The following SLC71A2 variants were observed in gnomAD, a reference collection of about 807,000 sequenced individuals.
SLC71A2 encodes the protein hippocampus abundant transcript-like 1.
At chr9:94,417,874 C>T in the SLC71A2 span, among the ~76,000 whole-genome samples, 1 of 75,200 alleles carries the variant, frequency 1.3e-5, no homozygotes, top group Non-Finnish European at 2.6e-5. Context: ...CCCCCCCCCC[C>T]CCGACAGAGT....
At chr9:94,438,754 G>T in the SLC71A2 span, among the ~76,000 whole-genome samples, 1 of 152,134 alleles carries the variant, frequency 6.6e-6, no homozygotes, top group East Asian at 1.9e-4. Context: ...AGTTACTTAG[G>T]TGAAGAAGTA....
the SLC71A2 span, among the ~76,000 whole-genome samples, chr9:94,444,658 T>C: frequency 6.6e-6 from 1 of 152,340 alleles, no homozygotes; most frequent in East Asian, 1.9e-4. Flanking sequence ...GTTTTTACAA[T>C]TTTTGTTTGT....
chr9:94,375,837 TTAG>T, the SLC71A2 span, among the ~76,000 whole-genome samples: 1 of 146,972 alleles, frequency 6.8e-6, no homozygotes, highest in African/African-American at 2.5e-5. Context: ...TAAATCCCTA[TTAG>T]TAGGTTGGGA....
At chr9:94,456,259 A>C in the SLC71A2 span, 1 of 1,613,998 alleles carries the variant, frequency 6.2e-7, no homozygotes, top group East Asian at 2.2e-5. Context: ...GGCAGCAGGG[A>C]CCGTGGCTGC....
the SLC71A2 span, among the ~76,000 whole-genome samples, chr9:94,396,378 G>C: frequency 6.6e-6 from 1 of 152,110 alleles, no homozygotes; most frequent in Non-Finnish European, 1.5e-5. Flanking sequence ...AGCCAGCTGT[G>C]GTGGCACGCA....
the SLC71A2 span, among the ~76,000 whole-genome samples, chr9:94,445,601 TTGAG>T: frequency 2.6e-5 from 4 of 152,166 alleles, no homozygotes; most frequent in Non-Finnish European, 5.9e-5. Context: ...TTGTTACAGA[TTGAG>T]TATTGTTTTC....
chr9:94,453,290 C>G, the SLC71A2 span, among the ~76,000 whole-genome samples: 1 of 151,874 alleles, frequency 6.6e-6, no homozygotes, highest in Non-Finnish European at 1.5e-5. Context: ...GCTGGGACTA[C>G]AAGTGTGCAC....
the SLC71A2 span, among the ~76,000 whole-genome samples, chr9:94,416,918 A>C: frequency 4.6e-5 from 7 of 152,080 alleles, no homozygotes; most frequent in Non-Finnish European, 8.8e-5. Flanking sequence ...CACAGGACTT[A>C]AAAATTGCCT....
chr9:94,439,527 T>C, the SLC71A2 span, among the ~76,000 whole-genome samples: 1 of 144,028 alleles, frequency 6.9e-6, no homozygotes, highest in South Asian at 2.2e-4. Context: ...TTTTGGTTTT[T>C]AATCCTATTA....
chr9:94,459,121 A>T, the SLC71A2 span: 2 of 1,598,362 alleles, frequency 1.3e-6, no homozygotes, highest in Middle Eastern at 1.7e-4. Context: ...TAAAAGACTA[A>T]CTGTATTCTT....
At chr9:94,391,205 A>G in the SLC71A2 span, among the ~76,000 whole-genome samples, 2 of 148,760 alleles carry the variant, frequency 1.3e-5, no homozygotes, top group African/African-American at 5.1e-5. Context: ...ACCAAAAAAA[A>G]AAAAAAAAAA....
chr9:94,449,340 C>T, the SLC71A2 span, among the ~76,000 whole-genome samples: 1 of 152,136 alleles, frequency 6.6e-6, no homozygotes, highest in Non-Finnish European at 1.5e-5. Flanking sequence ...TGATAAATAA[C>T]TTGTATCCAG....
chr9:94,456,236 G>C, the SLC71A2 span: 2 of 1,612,142 alleles, frequency 1.2e-6, no homozygotes, highest in South Asian at 2.2e-5. Flanking sequence ...TCCTGTCATT[G>C]CAGGATGATG....
chr9:94,453,485 T>C, the SLC71A2 span, among the ~76,000 whole-genome samples: 106 of 152,324 alleles, frequency 7.0e-4, no homozygotes, highest in African/African-American at 2.5e-3. Flanking sequence ...TTTTAGACTT[T>C]CTCAACTAGT....
the SLC71A2 span, among the ~76,000 whole-genome samples, chr9:94,401,402 G>C: frequency 2.0e-4 from 31 of 152,242 alleles, no homozygotes; most frequent in African/African-American, 7.2e-4. Flanking sequence ...TTGAACTCCT[G>C]ACCTCAGGTG....
chr9:94,442,541 T>C, the SLC71A2 span, among the ~76,000 whole-genome samples: 1 of 152,016 alleles, frequency 6.6e-6, no homozygotes, highest in African/African-American at 2.4e-5. Flanking sequence ...GATTTGGAGC[T>C]CACTCAGGAA....
At chr9:94,391,525 A>G in the SLC71A2 span, among the ~76,000 whole-genome samples, 1 of 151,670 alleles carries the variant, frequency 6.6e-6, no homozygotes, top group Non-Finnish European at 1.5e-5. Context: ...GAAATTAATT[A>G]CTATGATTAG....
the SLC71A2 span, among the ~76,000 whole-genome samples, chr9:94,412,061 TTTC>T: frequency 6.6e-6 from 1 of 152,250 alleles, no homozygotes; most frequent in Non-Finnish European, 1.5e-5. Context: ...GCAGTTTGTG[TTTC>T]TTTTCAGTTG....
At chr9:94,458,780 A>G in the SLC71A2 span, among the ~76,000 whole-genome samples, 15 of 152,184 alleles carry the variant, frequency 9.9e-5, no homozygotes, top group Non-Finnish European at 1.9e-4. Context: ...GAGGTAGGGT[A>G]CTTTTTGTAC....
Sources: gnomAD v4.1 joint callset for allele counts (sites outside exome capture counted in the v4.1 genomes callset) on GRCh38, gnomAD v4.1.1 for gene constraint, MANE v1.5 for transcripts, NCBI Gene and HGNC (gene_info 2026-07-23, HGNC 2026-07-21) for gene names.